PI4KA: variants seen among roughly 807,000 people sequenced by gnomAD.
PI4KA encodes the protein phosphatidylinositol 4-kinase alpha, also known as PI4-kinase alpha.
In PI4KA, 122 loss-of-function variants were observed where a neutral mutation model predicts 271.4. The observed-to-expected ratio is 0.45, with a 90% CI of 0.39 to 0.52. PI4KA has a LOEUF of 0.52. PI4KA is among the 20% of genes least tolerant of loss of function. The pLI is 0.00. For missense variants in PI4KA, 1,969 were observed against 2,769.1 expected (o/e 0.71, Z 6.48); for synonymous variants, 1,041 against 1,078.8 (o/e 0.96, Z 0.69).
chr22:20,780,505 C>T (rs189981152), intron 19 of PI4KA, among the ~76,000 whole-genome samples: 12 of 152,276 alleles, frequency 7.9e-5, no homozygotes, highest in East Asian at 7.7e-4. Context: ...CGGTGGCTCA[C>T]GCCTGTAATC....
At chr22:20,755,407 A>G (rs1931175008) in intron 23 of PI4KA, among the ~76,000 whole-genome samples, 1 of 152,140 alleles carries the variant, frequency 6.6e-6, no homozygotes, top group Non-Finnish European at 1.5e-5. Context: ...CCATTTCTCC[A>G]TGGAGCCCTG....
intron 28 of PI4KA, 151 bp downstream of exon 28, chr22:20,749,754 G>A (rs1260579922): frequency 1.6e-6 from 1 of 624,808 alleles, no homozygotes; most frequent in Non-Finnish European, 2.9e-6. Context: ...AGCAGCCTCT[G>A]AGGCATCTAT....
chr22:20,833,461 T>G (rs544629807), intron 3 of PI4KA, among the ~76,000 whole-genome samples: 8 of 152,224 alleles, frequency 5.3e-5, no homozygotes, highest in Admixed American at 3.9e-4. Flanking sequence ...GCAGTAGCAG[T>G]GGTGCACGGC....
At chr22:20,720,465 TC>T (rs2147201444) in intron 43 of PI4KA, among the ~76,000 whole-genome samples, 1 of 152,162 alleles carries the variant, frequency 6.6e-6, no homozygotes, top group African/African-American at 2.4e-5. Context: ...GGCAGGAGGA[TC>T]GCTTAAGCCC....
At chr22:20,725,518 C>T (rs1262734498) in intron 42 of PI4KA, 2 of 449,214 alleles carry the variant, frequency 4.5e-6, no homozygotes, top group Non-Finnish European at 8.9e-6. Flanking sequence ...TCTAGTATGA[C>T]AGGTGTTCTT....
chr22:20,769,525 C>T (rs923076753), intron 19 of PI4KA, among the ~76,000 whole-genome samples: 2 of 151,954 alleles, frequency 1.3e-5, no homozygotes, highest in Non-Finnish European at 2.9e-5. Flanking sequence ...AAAAATTAGC[C>T]AGGCGTGGTG....
intron 30 of PI4KA, 111 bp downstream of exon 30, chr22:20,744,517 T>C (rs1359398789): frequency 2.9e-6 from 2 of 701,222 alleles, no homozygotes; most frequent in Non-Finnish European, 5.0e-6. Context: ...TAAAATATGT[T>C]AATTCCACAT....
chr22:20,792,171 T>G (rs1164144495), intron 19 of PI4KA, among the ~76,000 whole-genome samples: 3 of 152,130 alleles, frequency 2.0e-5, no homozygotes, highest in African/African-American at 7.2e-5. Context: ...TATGACATTT[T>G]ACTACTAAAG....
chr22:20,835,354 G>A (rs190320581), intron 2 of PI4KA, among the ~76,000 whole-genome samples: 1 of 152,314 alleles, frequency 6.6e-6, no homozygotes, highest in East Asian at 1.9e-4. Context: ...GTGCTCCAGA[G>A]AAGAAGTGTG....
At chr22:20,753,393 C>G (rs1231416357) in intron 23 of PI4KA, among the ~76,000 whole-genome samples, 1 of 152,110 alleles carries the variant, frequency 6.6e-6, no homozygotes, top group Non-Finnish European at 1.5e-5. Flanking sequence ...TGATATAATC[C>G]TATTACCTAA....
intron 2 of PI4KA, among the ~76,000 whole-genome samples, chr22:20,836,345 A>G (rs1379391139): frequency 6.6e-6 from 1 of 152,310 alleles, no homozygotes; most frequent in Middle Eastern, 3.4e-3. Context: ...ACCATAATAG[A>G]TAACTAAAAA....
intron 19 of PI4KA, among the ~76,000 whole-genome samples, chr22:20,781,364 C>T (rs1432958691): frequency 6.6e-6 from 1 of 152,226 alleles, no homozygotes; most frequent in Non-Finnish European, 1.5e-5. Context: ...AACCACTTCT[C>T]TTTGCCACCA....
intron 14 of PI4KA, 59 bp downstream of exon 14, chr22:20,801,914 T>A: frequency 6.3e-7 from 1 of 1,578,516 alleles, no homozygotes; most frequent in Non-Finnish European, 8.7e-7. Context: ...TCTCTTATTT[T>A]GTAATAACCC....
rs757202166 is a variant in PI4KA at position 20,838,712 on chromosome 22, A to G, written c.176T>C (p.Met59Thr). The part of the protein sequence containing the change: ...SLEKVQKLLC[M>T]CPVDFHGIFQ... Reference sequence around the variant, plus strand: ...GATCCCATGGAAATCCACTGGACACATGCAAAGAAGCTTTTGGACCTAGAA... The same window carrying G: ...GATCCCATGGAAATCCACTGGACACGTGCAAAGAAGCTTTTGGACCTAGAA... Residue 59 changes from methionine to threonine, a missense_variant, in exon 2 of 55, where the codon ATG (methionine) becomes ACG (threonine). By Grantham distance (81) the Met-to-Thr change is moderately conservative (BLOSUM62 -1). Transcript: ENST00000255882. 6.2e-7 allele frequency: 1 copy of G among 1,611,254 alleles called. No individual in the cohort carries two copies. The highest frequency in any genetic ancestry group is 1.3e-5 in the African/African-American group (1 of 74,966).
At chr22:20,851,685 A>G (rs905320371) in intron 1 of PI4KA, among the ~76,000 whole-genome samples, 2 of 152,196 alleles carry the variant, frequency 1.3e-5, no homozygotes, top group Non-Finnish European at 2.9e-5. Flanking sequence ...TTAAACACAG[A>G]AAAACATTCA....
At chr22:20,782,752 G>A (rs1392893824) in intron 19 of PI4KA, among the ~76,000 whole-genome samples, 1 of 152,126 alleles carries the variant, frequency 6.6e-6, no homozygotes, top group African/African-American at 2.4e-5. Flanking sequence ...TGGGGATGTT[G>A]CTAAACACCC....
chr22:20,741,650 G>A (rs952726078), intron 32 of PI4KA, among the ~76,000 whole-genome samples: 21 of 152,130 alleles, frequency 1.4e-4, no homozygotes, highest in Non-Finnish European at 2.2e-4. Context: ...GAGGGAAGAA[G>A]AAAATCAAAA....
intron 19 of PI4KA, among the ~76,000 whole-genome samples, chr22:20,784,579 T>C (rs1267729403): frequency 6.6e-6 from 1 of 152,136 alleles, no homozygotes; most frequent in East Asian, 1.9e-4. Flanking sequence ...CCCGGGTCAC[T>C]TGAGAAAATA....
At chr22:20,769,698 G>A (rs1351872115) in intron 19 of PI4KA, among the ~76,000 whole-genome samples, 1 of 151,916 alleles carries the variant, frequency 6.6e-6, no homozygotes, top group Admixed American at 6.6e-5. Flanking sequence ...GGTCAGGGGG[G>A]AAGTGGGAAG....
Sources: gnomAD v4.1 joint callset for allele counts (sites outside exome capture counted in the v4.1 genomes callset) on GRCh38, gnomAD v4.1.1 for gene constraint, MANE v1.5 for transcripts, NCBI Gene and HGNC (gene_info 2026-07-23, HGNC 2026-07-21) for gene names.